The following CERS5 variants were observed in gnomAD, a reference collection of about 807,000 sequenced individuals.
CERS5 encodes ceramide synthase 5.
In CERS5, 37 loss-of-function variants were observed where a neutral mutation model predicts 58.9. The ratio of observed to expected loss-of-function variants is 0.63; its 90% CI spans 0.48 to 0.83. The LOEUF is 0.83. Ranked by LOEUF, CERS5 falls within the 40% of genes least tolerant of loss-of-function variation. CERS5 has a pLI of 0.00. For missense variants in CERS5, 398 were observed against 489.3 expected, an observed-to-expected ratio of 0.81 and a Z score of 1.76; for synonymous variants, 147 against 177.8, an observed-to-expected ratio of 0.83 and a Z score of 1.38.
chr12:50,134,844 G>T, intron 8 of CERS5, 142 bp from the exon 9 acceptor site: 1 of 691,788 alleles, frequency 1.4e-6, no homozygotes, highest in South Asian at 2.0e-5. Context: ...GTCATCCACA[G>T]TAAGAAAATA....
intron 1 of CERS5, among the ~76,000 whole-genome samples, chr12:50,160,603 A>G (rs1361239447): frequency 6.6e-6 from 1 of 152,214 alleles, no homozygotes; most frequent in Non-Finnish European, 1.5e-5. Flanking sequence ...CTCCTATTAT[A>G]GTACCGTATT....
chr12:50,153,445 A>T (rs1938207727), intron 1 of CERS5, among the ~76,000 whole-genome samples: 1 of 151,300 alleles, frequency 6.6e-6, no homozygotes, highest in African/African-American at 2.4e-5. Context: ...ACGTCCAGCT[A>T]ATTTTTGTAT....
chr12:50,165,903 AT>A (rs1225746667), intron 1 of CERS5: 2 of 453,332 alleles, frequency 4.4e-6, no homozygotes, highest in South Asian at 1.6e-5. Context: ...ATAAATTCAC[AT>A]TATAATATCA....
intron 4 of CERS5, among the ~76,000 whole-genome samples, 161 bp downstream of exon 4, chr12:50,141,892 A>T (rs1000181253): frequency 3.5e-5 from 5 of 144,002 alleles, no homozygotes; most frequent in African/African-American, 1.3e-4. Context: ...GTGAGCTGAG[A>T]TTCCACAACT....
At chr12:50,136,942 G>A (rs998454494) in intron 6 of CERS5, among the ~76,000 whole-genome samples, 3 of 152,126 alleles carry the variant, frequency 2.0e-5, no homozygotes, top group Non-Finnish European at 1.5e-5. Flanking sequence ...TTTTAATAAA[G>A]TGACCTGTGT....
At chr12:50,154,774 C>T (rs1938379231) in intron 1 of CERS5, among the ~76,000 whole-genome samples, 1 of 152,136 alleles carries the variant, frequency 6.6e-6, no homozygotes, top group South Asian at 2.1e-4. Flanking sequence ...AAGCTATCCT[C>T]CTGTCTCTGC....
chr12:50,134,786 C>G, intron 8 of CERS5, 84 bp from the exon 9 acceptor site: 1 of 1,304,176 alleles, frequency 7.7e-7, no homozygotes, highest in Non-Finnish European at 1.1e-6. Flanking sequence ...ATGCAGAGCC[C>G]TGTGTGTTTT....
At chr12:50,137,186 G>A (rs988891405) in intron 6 of CERS5, among the ~76,000 whole-genome samples, 1 of 152,156 alleles carries the variant, frequency 6.6e-6, no homozygotes, top group Non-Finnish European at 1.5e-5. Context: ...GACTTAAGTT[G>A]TGTAAAACTT....
intron 6 of CERS5, 106 bp from the exon 7 acceptor site, chr12:50,136,175 T>G: frequency 1.9e-6 from 2 of 1,064,556 alleles, no homozygotes; most frequent in East Asian, 2.8e-5. Flanking sequence ...CCACCCCATA[T>G]AGAATAGTTT....
chr12:50,142,202 G>A, intron 3 of CERS5, 92 bp from the exon 4 acceptor site: 1 of 799,738 alleles, frequency 1.3e-6, no homozygotes, highest in South Asian at 1.6e-5. Context: ...TTGGGGATAA[G>A]AGTTACTGGT....
chr12:50,131,901 A>T (rs1463663984), intron 9 of CERS5, among the ~76,000 whole-genome samples: 2 of 152,052 alleles, frequency 1.3e-5, no homozygotes, highest in East Asian at 3.9e-4. Flanking sequence ...GTTTGAGACC[A>T]GCCTGGGCAA....
chr12:50,166,329 AAAAAAAAAAAAAAAG>A (rs1939889546), intron 1 of CERS5: 1 of 157,236 alleles, frequency 6.4e-6, no homozygotes, highest in Non-Finnish European at 1.4e-5. Flanking sequence ...GTCTCAAAAA[AAAAAAAAAAAAAAAG>A]AAAAGAAAAA....
intron 1 of CERS5, among the ~76,000 whole-genome samples, chr12:50,152,540 G>A (rs1247030888): frequency 2.0e-5 from 3 of 152,036 alleles, no homozygotes; most frequent in African/African-American, 7.2e-5. Flanking sequence ...TCAGGAGTTC[G>A]AGACCACCCT....
At chr12:50,164,381 G>A (rs1251825261) in intron 1 of CERS5, among the ~76,000 whole-genome samples, 1 of 151,960 alleles carries the variant, frequency 6.6e-6, no homozygotes, top group African/African-American at 2.4e-5. Context: ...GCTGGAGTGA[G>A]CTTCGTGCCA....
In CERS5 at chr12:50,130,660, C is replaced by G. The variant is rs1951268172; in HGVS notation, c.1064G>C (p.Ser355Thr). Residue 355 changes from serine (S) to threonine (T), a missense_variant, in exon 10 of 10, where the codon AGC becomes ACC. Transcript: ENST00000317551. ...SKDDRSDVESSSEEEDVTTCT... is the reference protein window; with the variant it reads ...SKDDRSDVESTSEEEDVTTCT... ...GGTGGTCACATCTTCTTCCTCTGAG[C>G]TGCTCTCCACATCACTGCGATCATC... is the stretch of plus-strand genomic sequence containing the variant. 6.2e-7 allele frequency: 1 copy of G among 1,609,714 alleles called. No homozygotes were observed. Among genetic ancestry groups the G allele is most frequent in the African/African-American group, 1.3e-5 (1 of 74,876 alleles).
In CERS5 at chr12:50,134,673, C is replaced by G; in HGVS notation, c.902G>C (p.Trp301Ser). The G allele has an allele frequency of 6.2e-7, 1 of 1,614,048 alleles. No individual in the cohort carries two copies. The highest frequency in any genetic ancestry group is 8.5e-7 in the Non-Finnish European group (1 of 1,179,986). ...WILNTTLFES[W>S]EIIGPYASWW... ...TGAAGCATAAGGCCCGATTATCTCC[C>G]AACTCTCAAAGAGGGTCGTGTTCAG... The change falls in exon 9 of 10, where the codon TGG (tryptophan) becomes TCG (serine). Residue 301 changes from tryptophan (W) to serine (S), a missense_variant. Around this residue, in one of 3 missense-constraint regions of CERS5, gnomAD observed 328 missense variants for 384.5 expected, o/e 0.85. Coordinates refer to ENST00000317551, the MANE Select transcript of CERS5 (RefSeq NM_147190.5).
At chr12:50,134,849 AAAAT>A in intron 8 of CERS5, 147 bp from the exon 9 acceptor site, 2 of 666,178 alleles carry the variant, frequency 3.0e-6, no homozygotes, top group South Asian at 4.0e-5. Flanking sequence ...CCACAGTAAG[AAAAT>A]AAAGAAAGGG....
intron 4 of CERS5, among the ~76,000 whole-genome samples, chr12:50,140,948 C>CT (rs1951941332): frequency 1.3e-5 from 2 of 151,336 alleles, no homozygotes; most frequent in South Asian, 4.2e-4. Context: ...GTTCTGCCAG[C>CT]TTTTTGTCTA....
At chr12:50,166,964 C>T in intron 1 of CERS5, 137 bp downstream of exon 1, 2 of 716,548 alleles carry the variant, frequency 2.8e-6, no homozygotes, top group Non-Finnish European at 4.4e-6. Flanking sequence ...CCTAGCATCA[C>T]CCGCCGCGGC....
Sources: allele counts gnomAD v4.1 joint callset (sites outside exome capture counted in the v4.1 genomes callset), GRCh38; gene constraint gnomAD v4.1.1; regional missense constraint gnomAD v4.1.1; transcripts MANE v1.5; gene names NCBI Gene and HGNC (gene_info 2026-07-23, HGNC 2026-07-21).